SHISA9: variants seen among roughly 807,000 people sequenced by gnomAD.
SHISA9 encodes protein shisa-9.
Under a neutral mutation model 38.0 loss-of-function variants are expected in SHISA9, and 13 were observed. The ratio of observed to expected loss-of-function variants is 0.34; its 90% CI spans 0.22 to 0.54. The LOEUF (loss-of-function observed/expected upper bound fraction) is 0.54. SHISA9 is among the 20% of genes least tolerant of loss of function. The pLI, the probability that SHISA9 is intolerant of heterozygous loss-of-function variation, is 0.91. For synonymous variants in SHISA9, 275 were observed against 242.0 expected (o/e 1.14, Z -1.27); for missense variants, 538 against 575.8 (o/e 0.93, Z 0.67).
chr16:13,289,785 C>T, the SHISA9 span, among the ~76,000 whole-genome samples: 1 of 152,100 alleles, frequency 6.6e-6, no homozygotes. Flanking sequence ...ACTCTCATGT[C>T]TTTTTCTTTG....
the SHISA9 span, among the ~76,000 whole-genome samples, chr16:13,460,417 T>G: frequency 5.9e-5 from 9 of 152,178 alleles, no homozygotes; most frequent in African/African-American, 2.2e-4. Flanking sequence ...CGATCCATCA[T>G]ATTAGCTCCA....
At chr16:13,262,392 A>C in the SHISA9 span, among the ~76,000 whole-genome samples, 1 of 152,154 alleles carries the variant, frequency 6.6e-6, no homozygotes, top group African/African-American at 2.4e-5. Flanking sequence ...CTCATTTCTC[A>C]GTTCCCTCCT....
chr16:13,191,027 T>C (rs554134734), intron 2 of SHISA9, among the ~76,000 whole-genome samples: 3 of 152,218 alleles, frequency 2.0e-5, no homozygotes, highest in African/African-American at 4.8e-5. Context: ...ATATTCTCTT[T>C]TGACAAATTC....
intron 2 of SHISA9, among the ~76,000 whole-genome samples, chr16:12,992,362 T>TAAAAAAAA (rs34729407): frequency 8.8e-6 from 1 of 113,770 alleles, no homozygotes. Context: ...CCATCTCTAC[T>TAAAAAAAA]AAAAAAAAAA....
At chr16:13,283,273 C>A in the SHISA9 span, among the ~76,000 whole-genome samples, 2 of 152,208 alleles carry the variant, frequency 1.3e-5, no homozygotes, top group African/African-American at 4.8e-5. Flanking sequence ...CTTCCACCTC[C>A]TAACTCTGTC....
intron 3 of SHISA9, 42 bp downstream of exon 3, chr16:13,203,591 G>A (rs770663049): frequency 1.5e-5 from 22 of 1,422,158 alleles, no homozygotes; most frequent in Non-Finnish European, 1.7e-5. Context: ...TCTCCTCTTC[G>A]CTCTCCTTTG....
At chr16:13,412,244 C>A in the SHISA9 span, among the ~76,000 whole-genome samples, 1 of 152,108 alleles carries the variant, frequency 6.6e-6, no homozygotes, top group Non-Finnish European at 1.5e-5. Context: ...AGACTGTCCA[C>A]AGATGCTAAA....
chr16:12,947,365 C>A (rs748527058), intron 2 of SHISA9, among the ~76,000 whole-genome samples: 5 of 152,068 alleles, frequency 3.3e-5, no homozygotes, highest in African/African-American at 1.2e-4. Context: ...GGAAGAATTC[C>A]ATTTAGAAAC....
chr16:13,028,249 C>G (rs758415992), intron 2 of SHISA9, among the ~76,000 whole-genome samples: 2 of 152,118 alleles, frequency 1.3e-5, no homozygotes, highest in Non-Finnish European at 2.9e-5. Context: ...AAATCTGCCT[C>G]TATCATTGGG....
At chr16:13,345,085 G>T in the SHISA9 span, among the ~76,000 whole-genome samples, 14 of 152,214 alleles carry the variant, frequency 9.2e-5, no homozygotes, top group South Asian at 1.0e-3. Context: ...CAAGCTGCTT[G>T]CTTGGGTACA....
intron 2 of SHISA9, among the ~76,000 whole-genome samples, chr16:13,057,637 T>C (rs2141906213): frequency 6.6e-6 from 1 of 152,148 alleles, no homozygotes; most frequent in South Asian, 2.1e-4. Flanking sequence ...AAATAAGTGA[T>C]ACTTTTTTAT....
intron 2 of SHISA9, among the ~76,000 whole-genome samples, chr16:12,933,083 C>T (rs1478224891): frequency 6.6e-6 from 1 of 152,152 alleles, no homozygotes; most frequent in African/African-American, 2.4e-5. Flanking sequence ...TAGTGCCTAA[C>T]ATATGGTGTT....
rs28645097 is a variant in SHISA9 at position 13,153,484 on chromosome 16, C to T, written c.692-49910C>T. Among the ~76,000 whole-genome samples the T allele has an allele frequency of 7.5e-3, 1,143 of 152,210 alleles. 19 individuals are homozygous for T. The highest frequency in any genetic ancestry group is 0.025 in the African/African-American group (1,057 of 41,536). On this transcript the variant is annotated intron_variant, in intron 2 of 4. Coordinates refer to ENST00000558583, the MANE Select transcript of SHISA9 (RefSeq NM_001145204.3). ...ATAGACATGGAACAGGTGTGGTGTA[C>T]AGTAGATTGTTGATGTATCTCATGC...
chr16:13,069,791 GC>G (rs1172993502), intron 2 of SHISA9, among the ~76,000 whole-genome samples: 1 of 152,078 alleles, frequency 6.6e-6, no homozygotes, highest in African/African-American at 2.4e-5. Flanking sequence ...TGAGGGCTTT[GC>G]TCTCATGAAT....
At chr16:13,233,737 C>A (rs7188910) in intron 4 of SHISA9, among the ~76,000 whole-genome samples, 2 of 152,114 alleles carry the variant, frequency 1.3e-5, no homozygotes, top group Non-Finnish European at 1.5e-5. Context: ...AGGCCTGGTG[C>A]GGTAGCTCAC....
chr16:12,931,256 C>T (rs1210261271), intron 2 of SHISA9, among the ~76,000 whole-genome samples: 2 of 152,098 alleles, frequency 1.3e-5, no homozygotes, highest in Admixed American at 1.3e-4. Flanking sequence ...ATTGAAGTTG[C>T]CCATTTTATT....
the SHISA9 span, among the ~76,000 whole-genome samples, chr16:13,345,052 T>A: frequency 6.6e-6 from 1 of 152,188 alleles, no homozygotes; most frequent in Non-Finnish European, 1.5e-5. Flanking sequence ...AAATCTCTAC[T>A]GTGACTTGTT....
chr16:13,051,810 G>A (rs2073254593), intron 2 of SHISA9, among the ~76,000 whole-genome samples: 1 of 151,610 alleles, frequency 6.6e-6, no homozygotes, highest in African/African-American at 2.4e-5. Flanking sequence ...CTATCACCAG[G>A]CTGGAGTGCA....
the SHISA9 span, among the ~76,000 whole-genome samples, chr16:13,342,381 G>C: frequency 1.3e-5 from 2 of 152,044 alleles, no homozygotes; most frequent in African/African-American, 4.8e-5. Context: ...TCCATCTCCT[G>C]GGTTCAAGCG....
Sources: gnomAD v4.1 joint callset for allele counts (sites outside exome capture counted in the v4.1 genomes callset) on GRCh38, gnomAD v4.1.1 for gene constraint, MANE v1.5 for transcripts, NCBI Gene and HGNC (gene_info 2026-07-23, HGNC 2026-07-21) for gene names.